Variants in NELL2 observed in about 807,000 individuals in gnomAD.
NELL2 encodes the protein neural EGFL like 2.
A neutral mutation model predicts 109.6 loss-of-function variants in NELL2; 41 were observed. The observed-to-expected ratio is 0.37, with a 90% confidence interval of 0.29 to 0.49. The LOEUF (loss-of-function observed/expected upper bound fraction) is 0.49. NELL2 is among the 20% of genes least tolerant of loss of function. The pLI, the probability that NELL2 is intolerant of heterozygous loss-of-function variation, is 0.98. For synonymous variants in NELL2, 355 were observed against 344.7 expected, an observed-to-expected ratio of 1.03 and a Z score of -0.33; for missense variants, 900 against 1,008.3, an observed-to-expected ratio of 0.89 and a Z score of 1.45.
rs188991691 is a variant in NELL2 at position 44,759,955 on chromosome 12, C to T, written c.994+14792G>A. Among the ~76,000 whole-genome samples the T allele has an allele frequency of 7.3e-3, 1,119 of 152,262 alleles. 4 individuals carry two copies. Among genetic ancestry groups the T allele is most frequent in the Non-Finnish European group, 0.013 (864 of 68,018 alleles). ...TTTCACTACCTTTTAAAATTCGTAT[C>T]ATATACCTATGGCAGAGTTACTGGG... On this transcript the variant is annotated intron_variant, in intron 9 of 19. Coordinates refer to ENST00000429094, the MANE Select transcript of NELL2 (RefSeq NM_001145108.2).
chr12:44,912,722 G>A (rs527990952), intron 1 of NELL2, among the ~76,000 whole-genome samples: 19 of 152,160 alleles, frequency 1.2e-4, no homozygotes, highest in African/African-American at 3.4e-4. Context: ...TTATAAATTC[G>A]AATTGTTTAT....
At chr12:44,799,454 G>T (rs1942754422) in intron 3 of NELL2, among the ~76,000 whole-genome samples, 1 of 151,990 alleles carries the variant, frequency 6.6e-6, no homozygotes, top group Non-Finnish European at 1.5e-5. Context: ...AAAAAATAAA[G>T]AAGTATAACC....
At chr12:44,635,721 G>A (rs913223980) in intron 13 of NELL2, among the ~76,000 whole-genome samples, 4 of 152,150 alleles carry the variant, frequency 2.6e-5, no homozygotes, top group Non-Finnish European at 5.9e-5. Context: ...GTAGCATGAT[G>A]CCTCTAGCTT....
At chr12:44,882,495 T>TAC (rs1439618320) in intron 1 of NELL2, among the ~76,000 whole-genome samples, 2 of 151,244 alleles carry the variant, frequency 1.3e-5, no homozygotes, top group Non-Finnish European at 1.5e-5. Context: ...CACACACATA[T>TAC]ACACACACAC....
chr12:44,842,338 G>C (rs542551080), intron 2 of NELL2, among the ~76,000 whole-genome samples: 1 of 152,152 alleles, frequency 6.6e-6, no homozygotes, highest in East Asian at 1.9e-4. Context: ...AAATTCAATG[G>C]GGAAAGGACA....
chr12:44,549,964 G>A (rs562078939), intron 15 of NELL2, among the ~76,000 whole-genome samples: 2 of 152,132 alleles, frequency 1.3e-5, no homozygotes, highest in Non-Finnish European at 2.9e-5. Context: ...GAACAAAGCT[G>A]GAAGTATCAC....
chr12:44,583,397 C>G lies in NELL2; in HGVS notation c.1663+23772G>C, dbSNP rs75230869. Among the ~76,000 whole-genome samples, 1,142 of 152,302 alleles carry G rather than the reference C, an allele frequency of 7.5e-3. 11 individuals carry two copies. Among genetic ancestry groups the G allele is most frequent in the African/African-American group, 0.026 (1,076 of 41,544 alleles). On this transcript the variant is annotated intron_variant, in intron 15 of 19. Transcript: ENST00000429094. ...CCATGGATGTTGCCTGGACACCACACCCCGCCAACACCAGAAAGTAAAACT... is the reference window on the plus strand; with the variant it reads ...CCATGGATGTTGCCTGGACACCACAGCCCGCCAACACCAGAAAGTAAAACT...
chr12:44,609,389 C>A (rs1419050622), intron 14 of NELL2, among the ~76,000 whole-genome samples: 1 of 152,066 alleles, frequency 6.6e-6, no homozygotes, highest in African/African-American at 2.4e-5. Context: ...ACATCCCAGG[C>A]AGCATGAGGT....
At chr12:44,518,019 G>T (rs889276755) in intron 19 of NELL2, among the ~76,000 whole-genome samples, 4 of 152,002 alleles carry the variant, frequency 2.6e-5, no homozygotes, top group African/African-American at 9.7e-5. Context: ...ATAAAAATGA[G>T]TACTTGAGAT....
At chr12:44,877,655 ATATAC>A (rs1566584889), upstream of NELL2, among the ~76,000 whole-genome samples, 1 of 152,152 alleles carries the variant, frequency 6.6e-6, no homozygotes, top group East Asian at 1.9e-4. Context: ...AGTGGAATAC[ATATAC>A]TATATTATAC....
At chr12:44,572,280 T>G (rs1376998) in intron 15 of NELL2, among the ~76,000 whole-genome samples, 49,242 of 151,976 alleles carry the variant, frequency 0.32, 9,753 homozygotes, top group East Asian at 0.63. Context: ...TAGCTGGGAC[T>G]ACATGTGTGC....
chr12:44,797,845 A>C (rs576082473), intron 3 of NELL2, among the ~76,000 whole-genome samples: 12 of 137,550 alleles, frequency 8.7e-5, no homozygotes, highest in Admixed American at 1.4e-4. Flanking sequence ...TCCTAGATGG[A>C]ATGATGGAAT....
At chr12:44,515,078 G>A (rs1941199128) in intron 19 of NELL2, among the ~76,000 whole-genome samples, 1 of 151,722 alleles carries the variant, frequency 6.6e-6, no homozygotes, top group African/African-American at 2.4e-5. Flanking sequence ...ATAAACAGGT[G>A]TATAAAATAT....
chr12:44,743,285 A>C (rs1940112614), intron 9 of NELL2, among the ~76,000 whole-genome samples: 1 of 152,222 alleles, frequency 6.6e-6, no homozygotes, highest in South Asian at 2.1e-4. Context: ...CTGCCCTAAA[A>C]GACCTCCTGA....
chr12:44,548,653 T>C (rs1390234754), intron 15 of NELL2, among the ~76,000 whole-genome samples: 1 of 152,060 alleles, frequency 6.6e-6, no homozygotes, highest in Admixed American at 6.6e-5. Flanking sequence ...ATATGATATA[T>C]ACCAACATAT....
chr12:44,701,041 T>A (rs1311148317), intron 12 of NELL2, among the ~76,000 whole-genome samples: 1 of 152,132 alleles, frequency 6.6e-6, no homozygotes, highest in East Asian at 1.9e-4. Context: ...TATTTTTATG[T>A]ATAATCACAA....
At chr12:44,755,717 T>C (rs574107315) in intron 9 of NELL2, among the ~76,000 whole-genome samples, 100 of 152,308 alleles carry the variant, frequency 6.6e-4, no homozygotes, top group African/African-American at 2.3e-3. Context: ...CTGTTCCATA[T>C]GAACTAACTT....
intron 2 of NELL2, among the ~76,000 whole-genome samples, chr12:44,858,143 A>T (rs1427036152): frequency 6.6e-6 from 1 of 152,172 alleles, no homozygotes; most frequent in Non-Finnish European, 1.5e-5. Flanking sequence ...CATTGACCCT[A>T]AGAAGTAGTA....
chr12:44,633,884 C>T lies in NELL2; in HGVS notation c.1445-22914G>A, dbSNP rs11182589. On this transcript the variant is annotated intron_variant, in intron 13 of 19. Transcript: ENST00000429094. ...TTCTACTGAAGAGGGAAATTTGCTA[C>T]TTCTCTTCCTACACTCATAACCATT... Among the ~76,000 whole-genome samples, 183 of 152,244 alleles carry T rather than the reference C, an allele frequency of 1.2e-3. 3 individuals carry two copies. In the East Asian group the frequency reaches 0.026, roughly 22 times the overall value.
Sources: gnomAD v4.1 joint callset for allele counts (sites outside exome capture counted in the v4.1 genomes callset) on GRCh38, gnomAD v4.1.1 for gene constraint, MANE v1.5 for transcripts, NCBI Gene and HGNC (gene_info 2026-07-23, HGNC 2026-07-21) for gene names.